Variants in SUGCT observed in about 807,000 individuals in gnomAD.
SUGCT encodes succinyl-CoA:glutarate-CoA transferase.
A neutral mutation model predicts 55.0 loss-of-function variants in SUGCT; 41 were observed. The ratio of observed to expected loss-of-function variants is 0.74; its 90% CI spans 0.58 to 0.97. The LOEUF is 0.97. Among genes scored for constraint, SUGCT ranks in the 50% least tolerant of loss-of-function variants. The pLI, the probability that SUGCT is intolerant of heterozygous loss-of-function variation, is 0.00. For missense variants in SUGCT, 568 were observed against 547.8 expected (o/e 1.04, Z -0.37); for synonymous variants, 187 against 200.4 (o/e 0.93, Z 0.56).
At chr7:40,858,687 C>T (rs963866901) in intron 13 of SUGCT, among the ~76,000 whole-genome samples, 3 of 152,184 alleles carry the variant, frequency 2.0e-5, no homozygotes, top group African/African-American at 7.2e-5. Flanking sequence ...GCTGTGGACC[C>T]TGCCTCCCAG....
Position 40,504,848 on chromosome 7 carries a change from A to G in SUGCT, c.1089+8462A>G, listed in dbSNP as rs148097538. ...CCATTAATATAAAGAGATTATTTAT[A>G]AATTCTTGATGATTTAGGAATGTCT... On this transcript the variant is annotated intron_variant, in intron 12 of 13. Transcript: ENST00000335693. Among the ~76,000 whole-genome samples, 11 of 152,330 alleles carry G rather than the reference A, an allele frequency of 7.2e-5. No individual in the cohort carries two copies. In the East Asian group the frequency reaches 2.1e-3, roughly 29 times the overall value.
chr7:40,172,153 C>T (rs1973398), intron 1 of SUGCT, among the ~76,000 whole-genome samples: 69,422 of 151,944 alleles, frequency 0.46, 16,082 homozygotes, highest in Middle Eastern at 0.63. Flanking sequence ...TGTCATAGAC[C>T]CAGTTCCAGT....
chr7:40,472,066 C>A (rs908693600), intron 11 of SUGCT, among the ~76,000 whole-genome samples: 2 of 152,050 alleles, frequency 1.3e-5, no homozygotes, highest in South Asian at 4.1e-4. Flanking sequence ...TTGCGTAAGA[C>A]ATAGTAAGAC....
chr7:40,380,878 C>CT (rs1784836564), intron 9 of SUGCT, among the ~76,000 whole-genome samples: 2 of 152,142 alleles, frequency 1.3e-5, no homozygotes, highest in African/African-American at 2.4e-5. Flanking sequence ...TGTTTACTGT[C>CT]TTTTTTTGAA....
chr7:40,964,867 C>G, the SUGCT span: 19 of 152,280 alleles, frequency 1.2e-4, no homozygotes, highest in African/African-American at 4.1e-4. Flanking sequence ...AACATATCAG[C>G]CTTCAACTAC....
At chr7:40,634,793 A>C (rs1282208616) in intron 12 of SUGCT, among the ~76,000 whole-genome samples, 1 of 152,238 alleles carries the variant, frequency 6.6e-6, no homozygotes, top group Non-Finnish European at 1.5e-5. Context: ...AAGATAAAAA[A>C]GGAATGAGTA....
At chr7:40,295,928 A>C (rs1181533853) in intron 8 of SUGCT, among the ~76,000 whole-genome samples, 1 of 152,206 alleles carries the variant, frequency 6.6e-6, no homozygotes, top group Admixed American at 6.5e-5. Flanking sequence ...TGGCAGAACT[A>C]GTCATGATTT....
chr7:40,303,555 C>T (rs1794666995), intron 8 of SUGCT, among the ~76,000 whole-genome samples: 1 of 151,896 alleles, frequency 6.6e-6, no homozygotes, highest in Non-Finnish European at 1.5e-5. Flanking sequence ...GCGATCTTGA[C>T]TCACTGCAAC....
chr7:40,719,271 C>G (rs950004616), intron 12 of SUGCT, among the ~76,000 whole-genome samples: 2 of 152,306 alleles, frequency 1.3e-5, no homozygotes, highest in African/African-American at 4.8e-5. Flanking sequence ...CCTCAGTCCT[C>G]TGTATCCTAA....
intron 12 of SUGCT, among the ~76,000 whole-genome samples, chr7:40,537,901 A>C (rs2151610111): frequency 6.6e-6 from 1 of 152,280 alleles, no homozygotes; most frequent in African/African-American, 2.4e-5. Context: ...TAATGTATAT[A>C]TGTTTTATAT....
At chr7:40,772,872 G>T (rs1022267840) in intron 13 of SUGCT, among the ~76,000 whole-genome samples, 2 of 151,720 alleles carry the variant, frequency 1.3e-5, no homozygotes, top group African/African-American at 2.4e-5. Context: ...CAATCTGCCC[G>T]CCACGGCCTC....
At position 40,316,832 on chromosome 7, in the gene SUGCT, C is replaced by T. The variant is rs532523444; in HGVS notation, c.793C>T (p.His265Tyr). ...GGAAGCAAAACGTTGGGGTACAGCT[C>T]ATGGCAGTATCGTTCCTTACCAGGT... ...QKEAKRWGTA[H>Y]GSIVPYQAFK... The change falls in exon 9 of 14, where the codon CAT becomes TAT. Residue 265 changes from histidine to tyrosine, a missense_variant. By Grantham distance (83) the His-to-Tyr change is moderately conservative (BLOSUM62 2). Coordinates refer to ENST00000335693, the MANE Select transcript of SUGCT (RefSeq NM_001193313.2). The T allele has an allele frequency of 2.5e-6, 4 of 1,594,630 alleles. No individual in the cohort carries two copies. Among genetic ancestry groups the T allele is most frequent in the Non-Finnish European group, 2.6e-6 (3 of 1,169,244 alleles).
At chr7:40,369,724 A>G (rs953822157) in intron 9 of SUGCT, among the ~76,000 whole-genome samples, 1 of 152,190 alleles carries the variant, frequency 6.6e-6, no homozygotes, top group Non-Finnish European at 1.5e-5. Flanking sequence ...GGGAAATGGC[A>G]GTAGAATTAC....
chr7:40,229,282 G>T (rs1788574975), intron 6 of SUGCT, among the ~76,000 whole-genome samples: 1 of 152,212 alleles, frequency 6.6e-6, no homozygotes, highest in Non-Finnish European at 1.5e-5. Context: ...AGTTTGGGAG[G>T]CCAAGGCGGG....
the SUGCT span, among the ~76,000 whole-genome samples, chr7:40,923,473 T>C: frequency 6.6e-6 from 1 of 152,190 alleles, no homozygotes; most frequent in Non-Finnish European, 1.5e-5. Context: ...CACAAAGCTC[T>C]TAGGTAGAGA....
At chr7:40,354,969 A>T (rs1358607393) in intron 9 of SUGCT, among the ~76,000 whole-genome samples, 1 of 151,832 alleles carries the variant, frequency 6.6e-6, no homozygotes, top group East Asian at 1.9e-4. Flanking sequence ...TCTTACATTG[A>T]CTCAGATTTC....
At chr7:40,951,707 T>C in the SUGCT span, among the ~76,000 whole-genome samples, 2 of 152,206 alleles carry the variant, frequency 1.3e-5, no homozygotes, top group Admixed American at 6.5e-5. Context: ...CGTTTTGTTA[T>C]GTACCCAGTA....
intron 8 of SUGCT, among the ~76,000 whole-genome samples, chr7:40,303,960 G>A (rs1367694071): frequency 6.6e-6 from 1 of 151,380 alleles, no homozygotes; most frequent in African/African-American, 2.4e-5. Flanking sequence ...GCCAGAAATC[G>A]GCTAATTGAA....
chr7:40,366,571 A>T (rs1783984101), intron 9 of SUGCT, among the ~76,000 whole-genome samples: 1 of 152,216 alleles, frequency 6.6e-6, no homozygotes, highest in Non-Finnish European at 1.5e-5. Flanking sequence ...TTTACAAGAA[A>T]AAAACAAACA....
Sources: gnomAD v4.1 joint callset for allele counts (sites outside exome capture counted in the v4.1 genomes callset) on GRCh38, gnomAD v4.1.1 for gene constraint, MANE v1.5 for transcripts, NCBI Gene and HGNC (gene_info 2026-07-23, HGNC 2026-07-21) for gene names.